PRKCA: variants seen among roughly 807,000 people sequenced by gnomAD.
The protein encoded by PRKCA is protein kinase C alpha.
A neutral mutation model predicts 87.0 loss-of-function variants in PRKCA; 27 were observed. That is an observed-to-expected ratio of 0.31 (90% CI 0.23 to 0.43). The LOEUF (loss-of-function observed/expected upper bound fraction) is 0.43. Among genes scored for constraint, PRKCA ranks in the 20% least tolerant of loss-of-function variants. PRKCA has a pLI of 1.00. For missense variants in PRKCA, 518 were observed against 852.3 expected, an observed-to-expected ratio of 0.61 and a Z score of 4.88; for synonymous variants, 329 against 311.1, an observed-to-expected ratio of 1.06 and a Z score of -0.61.
intron 8 of PRKCA, among the ~76,000 whole-genome samples, chr17:66,709,683 T>TTG (rs922705293): frequency 5.3e-5 from 7 of 131,090 alleles, no homozygotes; most frequent in Admixed American, 7.9e-5. Context: ...TAAGATAGGT[T>TTG]TTTTTTTTTC....
intron 13 of PRKCA, among the ~76,000 whole-genome samples, chr17:66,748,659 G>A (rs367612464): frequency 3.9e-5 from 6 of 152,156 alleles, no homozygotes; most frequent in East Asian, 3.9e-4. Flanking sequence ...TGGGGTGAGC[G>A]TGAGCATCAG....
chr17:66,498,564 GGTA>G (rs939528578), intron 3 of PRKCA, among the ~76,000 whole-genome samples: 1 of 152,064 alleles, frequency 6.6e-6, no homozygotes, highest in African/African-American at 2.4e-5. Flanking sequence ...TTAGTCCTGG[GGTA>G]TAACACTAAG....
chr17:66,406,177 G>A (rs1911361516), intron 2 of PRKCA, among the ~76,000 whole-genome samples: 1 of 151,996 alleles, frequency 6.6e-6, no homozygotes, highest in African/African-American at 2.4e-5. Flanking sequence ...ACAGAAATTT[G>A]CCTCTGGGTT....
At chr17:66,424,568 A>AAACACACACACAC (rs1555602396) in intron 2 of PRKCA, among the ~76,000 whole-genome samples, 24 of 142,056 alleles carry the variant, frequency 1.7e-4, no homozygotes, top group East Asian at 4.2e-4. Flanking sequence ...CCCTGTCTCA[A>AAACACACACACAC]ACACACACAC....
intron 3 of PRKCA, among the ~76,000 whole-genome samples, chr17:66,633,322 G>A (rs972068931): frequency 1.3e-5 from 2 of 152,082 alleles, no homozygotes; most frequent in African/African-American, 4.8e-5. Flanking sequence ...AAAAAAAACT[G>A]CTTCCTACTT....
intron 2 of PRKCA, among the ~76,000 whole-genome samples, chr17:66,317,099 G>A (rs1223537349): frequency 1.3e-5 from 2 of 149,934 alleles, no homozygotes; most frequent in Admixed American, 1.3e-4. Flanking sequence ...CGGAGATCAC[G>A]CCACTGCACT....
At chr17:66,541,596 G>C (rs1318651125) in intron 3 of PRKCA, among the ~76,000 whole-genome samples, 1 of 152,174 alleles carries the variant, frequency 6.6e-6, no homozygotes, top group African/African-American at 2.4e-5. Context: ...GGCAGGAATT[G>C]CACGTGCAAA....
At chr17:66,765,806 C>T (rs1301606375) in intron 13 of PRKCA, among the ~76,000 whole-genome samples, 1 of 152,030 alleles carries the variant, frequency 6.6e-6, no homozygotes, top group African/African-American at 2.4e-5. Context: ...ACACTATTTT[C>T]CCTTTTACAG....
intron 5 of PRKCA, among the ~76,000 whole-genome samples, chr17:66,661,622 A>G (rs1971906223): frequency 6.6e-6 from 1 of 152,216 alleles, no homozygotes; most frequent in Admixed American, 6.5e-5. Context: ...AAAGAAAAAA[A>G]CTTGATTGAG....
intron 3 of PRKCA, among the ~76,000 whole-genome samples, chr17:66,619,901 TAA>T (rs71367178): frequency 0.36 from 54,542 of 151,892 alleles, 9,892 homozygotes; most frequent in Middle Eastern, 0.46. Context: ...GTTGAGGTTA[TAA>T]AGTCACGAAG....
intron 3 of PRKCA, among the ~76,000 whole-genome samples, chr17:66,610,149 G>C (rs909687592): frequency 1.3e-5 from 2 of 152,138 alleles, no homozygotes; most frequent in African/African-American, 2.4e-5. Flanking sequence ...GGGTTCTCTT[G>C]TTTGCTAGGA....
At chr17:66,606,537 A>G (rs185946838) in intron 3 of PRKCA, among the ~76,000 whole-genome samples, 1 of 152,358 alleles carries the variant, frequency 6.6e-6, no homozygotes, top group African/African-American at 2.4e-5. Flanking sequence ...AGTAGAGGGA[A>G]TATAATTACC....
intron 2 of PRKCA, among the ~76,000 whole-genome samples, chr17:66,397,619 T>C (rs775388705): frequency 6.6e-6 from 1 of 152,120 alleles, no homozygotes. Flanking sequence ...TTGCCCTTTT[T>C]CTTTTTTTTT....
intron 13 of PRKCA, among the ~76,000 whole-genome samples, chr17:66,763,532 G>GGACCCCA (rs1484821023): frequency 2.0e-5 from 3 of 152,168 alleles, no homozygotes; most frequent in African/African-American, 7.2e-5. Flanking sequence ...CTGGGGTCCT[G>GGACCCCA]TGTTCTATCC....
chr17:66,793,506 C>T (rs1975589700), intron 16 of PRKCA, among the ~76,000 whole-genome samples: 1 of 146,562 alleles, frequency 6.8e-6, no homozygotes, highest in Non-Finnish European at 1.5e-5. Flanking sequence ...AGGAGAATCG[C>T]TTGAACCTGG....
chr17:66,511,288 T>G (rs901053295), intron 3 of PRKCA, among the ~76,000 whole-genome samples: 2 of 152,330 alleles, frequency 1.3e-5, no homozygotes, highest in Non-Finnish European at 2.9e-5. Context: ...TTTCTAGATA[T>G]TAAGCTTGTA....
At chr17:66,502,327 C>T (rs1029986017) in intron 3 of PRKCA, among the ~76,000 whole-genome samples, 6 of 150,710 alleles carry the variant, frequency 4.0e-5, no homozygotes, top group Admixed American at 6.6e-5. Flanking sequence ...CTCCACCTCC[C>T]GGATTCAAGC....
At chr17:66,346,929 G>C (rs1211839886) in intron 2 of PRKCA, among the ~76,000 whole-genome samples, 2 of 151,964 alleles carry the variant, frequency 1.3e-5, no homozygotes, top group Non-Finnish European at 2.9e-5. Flanking sequence ...TACTCCAGAG[G>C]CTGAGGCAGG....
chr17:66,515,027 G>A (rs1019201369), intron 3 of PRKCA, among the ~76,000 whole-genome samples: 14 of 152,014 alleles, frequency 9.2e-5, no homozygotes, highest in Non-Finnish European at 5.9e-5. Context: ...AGGCCGAGGC[G>A]AGTGGATCAC....
Sources: allele counts gnomAD v4.1 joint callset (sites outside exome capture counted in the v4.1 genomes callset), GRCh38; gene constraint gnomAD v4.1.1; transcripts MANE v1.5; gene names NCBI Gene and HGNC (gene_info 2026-07-23, HGNC 2026-07-21).